Variants in WDPCP observed in about 807,000 individuals in gnomAD.
WDPCP encodes the protein WD repeat containing planar cell polarity effector, also known as WD repeat-containing and planar cell polarity effector protein fritz homolog.
Under a neutral mutation model 93.1 loss-of-function variants are expected in WDPCP, and 71 were observed. The observed-to-expected ratio is 0.76, with a 90% CI of 0.63 to 0.93. WDPCP has a LOEUF of 0.93. WDPCP is among the 40% of genes least tolerant of loss of function. The probability of loss-of-function intolerance (pLI) is 0.00; values close to 1 mark genes in which losing one functional copy is unlikely to be tolerated. For missense variants in WDPCP, 844 were observed against 887.4 expected, an observed-to-expected ratio of 0.95 and a Z score of 0.62; for synonymous variants, 315 against 315.0, an observed-to-expected ratio of 1.00 and a Z score of 0.00.
At chr2:63,818,955 CATAA>C (rs1670978194) in intron 1 of WDPCP, among the ~76,000 whole-genome samples, 3 of 151,998 alleles carry the variant, frequency 2.0e-5, no homozygotes, top group Non-Finnish European at 4.4e-5. Context: ...TATAAATATA[CATAA>C]ATACAAACGT....
chr2:63,664,169 C>T (rs188248287), intron 2 of WDPCP, among the ~76,000 whole-genome samples: 40 of 152,276 alleles, frequency 2.6e-4, no homozygotes, highest in Admixed American at 3.3e-4. Context: ...ATCATCAGTA[C>T]GTGAGTGGTC....
chr2:63,470,636 T>C (rs963908515), intron 6 of WDPCP, among the ~76,000 whole-genome samples: 2 of 152,182 alleles, frequency 1.3e-5, no homozygotes, highest in Non-Finnish European at 2.9e-5. Context: ...CTTCAATCTA[T>C]TCCCATCAAT....
At chr2:63,460,974 AC>A (rs1243849681) in intron 6 of WDPCP, among the ~76,000 whole-genome samples, 2 of 152,140 alleles carry the variant, frequency 1.3e-5, no homozygotes, top group African/African-American at 4.8e-5. Context: ...ATGTTCTAAA[AC>A]CACAAAATAA....
intron 3 of WDPCP, among the ~76,000 whole-genome samples, chr2:63,607,722 C>T (rs1169800567): frequency 6.8e-6 from 1 of 147,354 alleles, no homozygotes; most frequent in East Asian, 2.1e-4. Context: ...CCCAGCTACT[C>T]GGGAGGCTGA....
intron 12 of WDPCP, among the ~76,000 whole-genome samples, chr2:63,357,049 G>T (rs1690068892): frequency 6.6e-6 from 1 of 152,164 alleles, no homozygotes; most frequent in African/African-American, 2.4e-5. Flanking sequence ...AATAAATGGT[G>T]CTGGGATAAC....
intron 2 of WDPCP, among the ~76,000 whole-genome samples, chr2:63,686,673 C>T (rs1359229298): frequency 6.6e-6 from 1 of 152,038 alleles, no homozygotes; most frequent in Admixed American, 6.6e-5. Context: ...TCACATTATA[C>T]TACAGTACTA....
At chr2:63,171,535 A>G (rs535738886) in intron 15 of WDPCP, among the ~76,000 whole-genome samples, 1 of 152,344 alleles carries the variant, frequency 6.6e-6, no homozygotes, top group Admixed American at 6.5e-5. Context: ...ACAATATTAA[A>G]TATTGGTGAG....
intron 3 of WDPCP, among the ~76,000 whole-genome samples, chr2:63,620,457 C>A (rs188406517): frequency 6.6e-6 from 1 of 152,312 alleles, no homozygotes; most frequent in African/African-American, 2.4e-5. Flanking sequence ...CCACTGTAAC[C>A]AGACTGCCTC....
At chr2:63,360,379 T>A (rs1161241523) in intron 12 of WDPCP, among the ~76,000 whole-genome samples, 1 of 152,220 alleles carries the variant, frequency 6.6e-6, no homozygotes. Context: ...TCAAGAAGAC[T>A]ACTTTGACTC....
At chr2:63,819,566 T>C (rs928060460) in intron 1 of WDPCP, among the ~76,000 whole-genome samples, 13 of 152,206 alleles carry the variant, frequency 8.5e-5, no homozygotes, top group African/African-American at 2.9e-4. Flanking sequence ...GGCTCCACTT[T>C]CGGAGTTTTA....
upstream of WDPCP, among the ~76,000 whole-genome samples, chr2:63,829,653 T>C (rs947355035): frequency 1.3e-5 from 2 of 152,120 alleles, no homozygotes; most frequent in Admixed American, 6.6e-5. Flanking sequence ...GACTTTTCCA[T>C]TGTGTAAGAT....
At chr2:63,210,765 C>A (rs141032473) in intron 14 of WDPCP, among the ~76,000 whole-genome samples, 2 of 152,194 alleles carry the variant, frequency 1.3e-5, no homozygotes, top group African/African-American at 4.8e-5. Flanking sequence ...CCTAATACTG[C>A]GCTTTTCCAA....
intron 14 of WDPCP, among the ~76,000 whole-genome samples, chr2:63,201,366 G>A: frequency 6.6e-6 from 1 of 152,078 alleles, no homozygotes. Flanking sequence ...ATGTGAGAAT[G>A]GACAAATACA....
intron 2 of WDPCP, among the ~76,000 whole-genome samples, chr2:63,763,312 T>C (rs1670085177): frequency 6.6e-6 from 1 of 152,048 alleles, no homozygotes; most frequent in Non-Finnish European, 1.5e-5. Flanking sequence ...GAGACCAGCC[T>C]GGCCGATATA....
chr2:63,373,580 T>A lies in WDPCP; in HGVS notation c.1748+4806A>T, dbSNP rs1484797114. On this transcript the variant is annotated intron_variant, in intron 12 of 17. Coordinates refer to ENST00000272321, the MANE Select transcript of WDPCP (RefSeq NM_015910.7). ...CCACCTTCTCTGTTTTAGATGTCTT[T>A]AAAAAAAAAAAAAAAACTGAGGAAA... Among the ~76,000 whole-genome samples, 43 of 135,820 alleles carry A rather than the reference T, an allele frequency of 3.2e-4. 1 individual carries two copies. The highest frequency in any genetic ancestry group is 4.8e-4 in the African/African-American group (18 of 37,126). The allele number at this position is 135,820 out of a possible 152,430, so 89.1% of individuals were successfully genotyped here.
intron 2 of WDPCP, among the ~76,000 whole-genome samples, chr2:63,723,421 G>A (rs1233464898): frequency 6.6e-6 from 1 of 151,604 alleles, no homozygotes; most frequent in African/African-American, 2.4e-5. Flanking sequence ...CCTTTTCCCT[G>A]GTCAGATTCT....
intron 14 of WDPCP, chr2:63,233,457 T>A: frequency 5.4e-6 from 1 of 184,624 alleles, no homozygotes; most frequent in Non-Finnish European, 1.2e-5. Context: ...ATTTTCCCAA[T>A]AATACAAATG....
At chr2:63,241,430 C>T (rs1028615900) in intron 14 of WDPCP, among the ~76,000 whole-genome samples, 50 of 152,134 alleles carry the variant, frequency 3.3e-4, no homozygotes, top group Middle Eastern at 6.8e-3. Flanking sequence ...AAGAGTTGGC[C>T]GCAGTTTCAA....
chr2:63,190,083 A>T (rs749280571), intron 14 of WDPCP, among the ~76,000 whole-genome samples: 9 of 152,218 alleles, frequency 5.9e-5, no homozygotes, highest in Non-Finnish European at 1.3e-4. Context: ...CAGTGTGATA[A>T]CAGGGTGGGG....
Sources: allele counts gnomAD v4.1 joint callset (sites outside exome capture counted in the v4.1 genomes callset), GRCh38; gene constraint gnomAD v4.1.1; transcripts MANE v1.5; gene names NCBI Gene and HGNC (gene_info 2026-07-23, HGNC 2026-07-21).